ATRNL1: variants seen among roughly 807,000 people sequenced by gnomAD.
The protein encoded by ATRNL1 is attractin-like protein 1.
A neutral mutation model predicts 182.7 loss-of-function variants in ATRNL1; 95 were observed. The ratio of observed to expected loss-of-function variants is 0.52; its 90% CI spans 0.44 to 0.62. ATRNL1 has a LOEUF of 0.62. ATRNL1 is among the 20% of genes least tolerant of loss of function. The pLI is 0.00. For synonymous variants in ATRNL1, 576 were observed against 568.3 expected (o/e 1.01, Z -0.19); for missense variants, 1,471 against 1,679.5 (o/e 0.88, Z 2.17).
At chr10:115,581,850 C>T (rs1447826999) in intron 26 of ATRNL1, among the ~76,000 whole-genome samples, 19 of 150,122 alleles carry the variant, frequency 1.3e-4, no homozygotes, top group Admixed American at 1.1e-3. Context: ...CCCACTAACT[C>T]GTCATCTAGC....
At chr10:115,720,432 G>T (rs1360087447) in intron 26 of ATRNL1, among the ~76,000 whole-genome samples, 1 of 150,592 alleles carries the variant, frequency 6.6e-6, no homozygotes, top group Non-Finnish European at 1.5e-5. Flanking sequence ...GACCATACTT[G>T]TAAAAGTAAG....
chr10:115,783,014 C>A (rs2960681), intron 27 of ATRNL1, among the ~76,000 whole-genome samples: 107,536 of 152,066 alleles, frequency 0.71, 38,328 homozygotes, highest in Admixed American at 0.79. Context: ...TTAAATATTT[C>A]ATTTAAGGAT....
chr10:115,269,424 T>C (rs1564867365), intron 13 of ATRNL1, among the ~76,000 whole-genome samples: 1 of 152,144 alleles, frequency 6.6e-6, no homozygotes, highest in Non-Finnish European at 1.5e-5. Context: ...AACCTCCACC[T>C]CCTGGGTTCA....
chr10:115,797,671 TAAAC>T (rs1949687652), intron 27 of ATRNL1, among the ~76,000 whole-genome samples: 2 of 152,096 alleles, frequency 1.3e-5, no homozygotes. Context: ...TGACAATCAA[TAAAC>T]AAAGCAGGAA....
intron 27 of ATRNL1, among the ~76,000 whole-genome samples, chr10:115,800,980 C>T (rs782512416): frequency 2.0e-5 from 3 of 152,222 alleles, no homozygotes; most frequent in African/African-American, 7.2e-5. Flanking sequence ...AAATACAGGT[C>T]TTCTTCTCAG....
At chr10:115,603,153 T>C (rs1227845912) in intron 26 of ATRNL1, among the ~76,000 whole-genome samples, 1 of 152,174 alleles carries the variant, frequency 6.6e-6, no homozygotes, top group Non-Finnish European at 1.5e-5. Flanking sequence ...TTTCATTTCA[T>C]AGGCATAATG....
intron 8 of ATRNL1, among the ~76,000 whole-genome samples, chr10:115,177,903 G>GTTTTTTTTT (rs147613896): frequency 9.8e-6 from 1 of 102,062 alleles, no homozygotes; most frequent in Non-Finnish European, 1.9e-5. Flanking sequence ...TTGTTTTTTT[G>GTTTTTTTTT]TTTTTTTTGT....
At chr10:115,223,929 A>ATATATATATAT (rs1420143943) in intron 9 of ATRNL1, among the ~76,000 whole-genome samples, 48 of 44,730 alleles carry the variant, frequency 1.1e-3, no homozygotes, top group African/African-American at 3.7e-3. Context: ...ATATATATAT[A>ATATATATATAT]TTTTTTTTTT....
At chr10:115,247,256 C>T (rs782126730) in intron 10 of ATRNL1, among the ~76,000 whole-genome samples, 2 of 152,076 alleles carry the variant, frequency 1.3e-5, no homozygotes, top group Non-Finnish European at 2.9e-5. Flanking sequence ...GCAAACTATT[C>T]ATCTGATGGG....
chr10:115,713,710 A>G (rs1427822899), intron 26 of ATRNL1, among the ~76,000 whole-genome samples: 5 of 90,770 alleles, frequency 5.5e-5, no homozygotes, highest in Non-Finnish European at 1.3e-4. Flanking sequence ...TCTATCATCT[A>G]TCTATCTATC....
intron 19 of ATRNL1, among the ~76,000 whole-genome samples, chr10:115,349,283 C>A (rs1405712707): frequency 6.6e-6 from 1 of 152,142 alleles, no homozygotes; most frequent in Non-Finnish European, 1.5e-5. Context: ...TTGCAAATGA[C>A]AGGATTTCAT....
intron 8 of ATRNL1, among the ~76,000 whole-genome samples, chr10:115,174,243 C>G (rs1458979460): frequency 2.0e-5 from 3 of 151,354 alleles, no homozygotes; most frequent in African/African-American, 7.3e-5. Flanking sequence ...ATGTAATTTT[C>G]TTTTCCTTTC....
Position 115,521,341 on chromosome 10 carries a change from C to T in ATRNL1, c.3716+2017C>T, listed in dbSNP as rs183637713. ...CTAATTTTTGTATTTTTAGTAGATA[C>T]GGGGTTTCACCACATTGGCCAGGGT... On this transcript the variant is annotated intron_variant, in intron 25 of 28. Coordinates refer to ENST00000355044, the MANE Select transcript of ATRNL1 (RefSeq NM_207303.4). Among the ~76,000 whole-genome samples the T allele has an allele frequency of 3.5e-4, 53 of 152,114 alleles. No individual in the cohort carries two copies. The Middle Eastern group carries it at 0.01, about 29-fold the overall frequency.
At chr10:115,934,442 T>C (rs2134602298) in intron 28 of ATRNL1, among the ~76,000 whole-genome samples, 1 of 152,282 alleles carries the variant, frequency 6.6e-6, no homozygotes, top group South Asian at 2.1e-4. Flanking sequence ...TATAATGACC[T>C]GCAGGTCACC....
Position 115,920,524 on chromosome 10 carries a change from A to C in ATRNL1, c.4019-24134A>C, listed in dbSNP as rs537743737. Among the ~76,000 whole-genome samples, 4 of 152,324 alleles carry C rather than the reference A, an allele frequency of 2.6e-5. No homozygotes were observed. The South Asian group carries it at 6.2e-4, about 24-fold the overall frequency. ...ATAATTGTTTACCTGTGTTATAGACACCCAGAATCTAAGAGAGGCACAAGA... is the reference window on the plus strand; with the variant it reads ...ATAATTGTTTACCTGTGTTATAGACCCCCAGAATCTAAGAGAGGCACAAGA... On this transcript the variant is annotated intron_variant, in intron 28 of 28. Transcript: ENST00000355044.
At chr10:115,323,223 A>G (rs1396426839) in intron 18 of ATRNL1, among the ~76,000 whole-genome samples, 1 of 151,882 alleles carries the variant, frequency 6.6e-6, no homozygotes, top group Admixed American at 6.6e-5. Flanking sequence ...CTGTCAGTCT[A>G]TCTTTAAGCT....
intron 25 of ATRNL1, among the ~76,000 whole-genome samples, chr10:115,542,880 A>G (rs1592823885): frequency 6.6e-6 from 1 of 152,154 alleles, no homozygotes; most frequent in Non-Finnish European, 1.5e-5. Context: ...TCCTCCATGC[A>G]TGCAGGAAGA....
chr10:115,937,714 A>G (rs1213621675), intron 28 of ATRNL1, among the ~76,000 whole-genome samples: 4 of 152,234 alleles, frequency 2.6e-5, no homozygotes, highest in African/African-American at 9.6e-5. Flanking sequence ...GATCAGAGGA[A>G]AAACATTTAA....
intron 28 of ATRNL1, among the ~76,000 whole-genome samples, chr10:115,900,679 G>C (rs1164010137): frequency 9.2e-5 from 14 of 152,184 alleles, no homozygotes; most frequent in African/African-American, 3.4e-4. Flanking sequence ...TGCCCACGTA[G>C]TTAGGAAGTA....
Sources: gnomAD v4.1 joint callset for allele counts (sites outside exome capture counted in the v4.1 genomes callset) on GRCh38, gnomAD v4.1.1 for gene constraint, MANE v1.5 for transcripts, NCBI Gene and HGNC (gene_info 2026-07-23, HGNC 2026-07-21) for gene names.